The following CAPZB variants were observed in gnomAD, a reference collection of about 807,000 sequenced individuals.
CAPZB encodes the protein F-actin-capping protein subunit beta.
In CAPZB, 2 loss-of-function variants were observed where a neutral mutation model predicts 38.1. The ratio of observed to expected loss-of-function variants is 0.05; its 90% confidence interval spans 0.02 to 0.17. CAPZB has a LOEUF of 0.17. CAPZB is among the 10% of genes least tolerant of loss of function. The pLI is 1.00. For missense variants in CAPZB, 161 were observed against 334.2 expected (o/e 0.48, Z 4.04); for synonymous variants, 107 against 127.4 (o/e 0.84, Z 1.08).
chr1:19,426,864 A>T (rs1417306259), intron 1 of CAPZB, among the ~76,000 whole-genome samples: 10 of 152,238 alleles, frequency 6.6e-5, no homozygotes, highest in Admixed American at 6.5e-4. Context: ...ACAGTAAATG[A>T]CACAGAAGGA....
intron 1 of CAPZB, among the ~76,000 whole-genome samples, chr1:19,438,741 T>G (rs1376419527): frequency 6.6e-6 from 1 of 152,176 alleles, no homozygotes; most frequent in African/African-American, 2.4e-5. Context: ...CATGAGGTAC[T>G]CACATCAGGA....
intron 1 of CAPZB, among the ~76,000 whole-genome samples, chr1:19,451,524 G>A (rs904889475): frequency 1.7e-4 from 26 of 152,052 alleles, no homozygotes; most frequent in African/African-American, 5.6e-4. Context: ...CACCCTACAG[G>A]CACGTGTCAT....
chr1:19,357,305 T>G lies in CAPZB; in HGVS notation c.471+117A>C. 1 of 895,356 alleles carries G rather than the reference T, an allele frequency of 1.1e-6. No homozygotes were observed. Among genetic ancestry groups the G allele is most frequent in the Non-Finnish European group, 1.8e-6 (1 of 567,622 alleles). The allele number at this position is 895,356 out of a possible 1,614,324, so 55.5% of individuals were successfully genotyped here. On this transcript the variant is annotated intron_variant, in intron 5 of 8. Coordinates refer to ENST00000264202, the MANE Select transcript of CAPZB (RefSeq NM_004930.5). The surrounding 1 kb of genome is among the most constrained non-coding windows in gnomAD (Gnocchi z 4.3). Reference sequence around the variant, plus strand: ...AATGGCTTTGAGGCATTTCTCAGAATTAGGGGTTCAGAGATCACAGCATCC... The same window carrying G: ...AATGGCTTTGAGGCATTTCTCAGAAGTAGGGGTTCAGAGATCACAGCATCC...
intron 2 of CAPZB, among the ~76,000 whole-genome samples, chr1:19,397,405 G>A (rs766930908): frequency 1.3e-5 from 2 of 152,156 alleles, no homozygotes; most frequent in African/African-American, 2.4e-5. Flanking sequence ...AGAGGCACAG[G>A]TAGGTTAAGC....
chr1:19,364,646 A>G (rs1443771081), intron 4 of CAPZB, among the ~76,000 whole-genome samples: 2 of 152,132 alleles, frequency 1.3e-5, no homozygotes, highest in African/African-American at 4.8e-5. Context: ...CAGCTTGTCA[A>G]TGTCCTTCAT....
intron 1 of CAPZB, among the ~76,000 whole-genome samples, chr1:19,420,716 C>G (rs1233201383): frequency 6.6e-6 from 1 of 152,096 alleles, no homozygotes; most frequent in African/African-American, 2.4e-5. Flanking sequence ...CAAGCATGAG[C>G]CATCGTGCCC....
In CAPZB at chr1:19,339,458, A is replaced by T; in HGVS notation, c.*72T>A. The stretch of plus-strand genomic sequence containing the variant: ...GGGGAGGGAAGGGACGAGGGAAGGG[A>T]GCAGAAAACGAGTTTTCTAAGAAAG... On this transcript the variant is annotated 3_prime_UTR_variant, in exon 9 of 9. Coordinates refer to ENST00000264202, the MANE Select transcript of CAPZB (RefSeq NM_004930.5). 9.2e-7 allele frequency: 1 copy of T among 1,083,072 alleles called. No homozygotes were observed. Among genetic ancestry groups the T allele is most frequent in the Non-Finnish European group, 1.4e-6 (1 of 695,114 alleles). 67.1% of individuals were successfully genotyped at this position (1,083,072 alleles called of 1,614,324 possible).
At chr1:19,343,930 T>C (rs1310559484) in intron 8 of CAPZB, among the ~76,000 whole-genome samples, 2 of 152,106 alleles carry the variant, frequency 1.3e-5, no homozygotes, top group African/African-American at 4.8e-5. Flanking sequence ...AGGCCCGGAC[T>C]GAGGGCCCTG....
intron 1 of CAPZB, chr1:19,449,148 T>G: frequency 7.3e-7 from 1 of 1,361,592 alleles, no homozygotes; most frequent in Non-Finnish European, 9.5e-7. Context: ...AGAGTCTCTG[T>G]AAGGCTGATA....
chr1:19,342,693 C>G, intron 8 of CAPZB: 2 of 1,046,036 alleles, frequency 1.9e-6, no homozygotes, highest in South Asian at 2.6e-5. Flanking sequence ...GGCAGGGTCT[C>G]GGCGGGTTGG....
At chr1:19,407,534 G>A (rs925164173) in intron 2 of CAPZB, among the ~76,000 whole-genome samples, 1 of 152,180 alleles carries the variant, frequency 6.6e-6, no homozygotes, top group Non-Finnish European at 1.5e-5. Flanking sequence ...TGCTGATAAG[G>A]AAGAGGGTAA....
At chr1:19,343,577 G>A (rs1180011599) in intron 8 of CAPZB, among the ~76,000 whole-genome samples, 5 of 152,228 alleles carry the variant, frequency 3.3e-5, no homozygotes, top group African/African-American at 4.8e-5. Context: ...CATGCAGCTC[G>A]GGATGACAGA....
chr1:19,401,572 C>T (rs2094303600), intron 2 of CAPZB, among the ~76,000 whole-genome samples: 1 of 152,146 alleles, frequency 6.6e-6, no homozygotes, highest in Non-Finnish European at 1.5e-5. Context: ...AAACGAAGGA[C>T]CACCTAGCCT....
intron 4 of CAPZB, among the ~76,000 whole-genome samples, chr1:19,367,261 T>C (rs1021526804): frequency 6.6e-6 from 1 of 152,162 alleles, no homozygotes; most frequent in Non-Finnish European, 1.5e-5. Context: ...CATGAGGAGA[T>C]ATAAGGAAGA....
intron 1 of CAPZB, among the ~76,000 whole-genome samples, chr1:19,454,761 TACTC>T (rs1348474110): frequency 1.3e-5 from 2 of 152,184 alleles, no homozygotes; most frequent in African/African-American, 4.8e-5. Flanking sequence ...TACTTACAAA[TACTC>T]ATTCAAGGAG....
chr1:19,345,894 G>A (rs2093957931), intron 6 of CAPZB, among the ~76,000 whole-genome samples: 1 of 152,224 alleles, frequency 6.6e-6, no homozygotes, highest in South Asian at 2.1e-4. Flanking sequence ...GTTTGAGCAA[G>A]AGAGTCTCAA....
intron 1 of CAPZB, among the ~76,000 whole-genome samples, chr1:19,449,941 AG>A (rs1372540660): frequency 2.0e-5 from 3 of 151,814 alleles, no homozygotes; most frequent in Non-Finnish European, 4.4e-5. Flanking sequence ...CAGGAGTTTG[AG>A]ATCAGCCTGG....
chr1:19,484,549 C>T, intron 1 of CAPZB: 1 of 1,288,774 alleles, frequency 7.8e-7, no homozygotes, highest in Non-Finnish European at 9.9e-7. Context: ...GGCTCCTAGG[C>T]GGCCTCCCTA....
At position 19,341,698 on chromosome 1, in the gene CAPZB, TAAA is replaced by T. The variant is rs372853846; in HGVS notation, c.732-2084_732-2082del. Among the ~76,000 whole-genome samples, 128 of 152,334 alleles carry T rather than the reference TAAA, an allele frequency of 8.4e-4. 1 individual carries two copies. The South Asian group carries it at 0.025, about 30-fold the overall frequency. Reference sequence around the variant, plus strand: ...GGAACTGCACCATCACGGTGTATCTTAAAAAGAGTTTTTTCTCAATGCCATGAT... The same window carrying T: ...GGAACTGCACCATCACGGTGTATCTTAAGAGTTTTTTCTCAATGCCATGAT... On this transcript the variant is annotated intron_variant, in intron 8 of 8. Coordinates refer to ENST00000264202, the MANE Select transcript of CAPZB (RefSeq NM_004930.5).
Sources: allele counts gnomAD v4.1 joint callset (sites outside exome capture counted in the v4.1 genomes callset), GRCh38; gene constraint gnomAD v4.1.1; non-coding constraint Gnocchi (gnomAD v3.1); transcripts MANE v1.5; gene names NCBI Gene and HGNC (gene_info 2026-07-23, HGNC 2026-07-21).